The following CRIM1 variants were observed in gnomAD, a reference collection of about 807,000 sequenced individuals.
CRIM1 encodes the protein cysteine-rich motor neuron 1 protein.
Under a neutral mutation model 116.4 loss-of-function variants are expected in CRIM1, and 32 were observed. That is an observed-to-expected ratio of 0.27 (90% CI 0.21 to 0.37). The LOEUF (loss-of-function observed/expected upper bound fraction) is 0.37. Among genes scored for constraint, CRIM1 ranks in the 10% least tolerant of loss-of-function variants. CRIM1 has a pLI of 1.00. For missense variants in CRIM1, 1,331 were observed against 1,354.8 expected (o/e 0.98, Z 0.28); for synonymous variants, 590 against 509.2 (o/e 1.16, Z -2.13).
At chr2:36,441,613 T>A in intron 3 of CRIM1, 113 bp downstream of exon 3, 1 of 1,356,480 alleles carries the variant, frequency 7.4e-7, no homozygotes, top group Non-Finnish European at 1.0e-6. Flanking sequence ...TTCTCACCGG[T>A]GTCCTGTGAA....
chr2:36,522,083 T>C lies in CRIM1; in HGVS notation c.2207-9T>C. The C allele has an allele frequency of 6.2e-7, 1 of 1,612,762 alleles. No individual in the cohort carries two copies. The highest frequency in any genetic ancestry group is 1.3e-5 in the African/African-American group (1 of 75,024). On this transcript the variant is annotated splice_polypyrimidine_tract_variant and intron_variant, in intron 12 of 16. Transcript: ENST00000280527. ...TCTTCTTTGCTGACCTATATGTTCA[T>C]TTTTCCAGATCAACCTTTTCGGCCT...
intron 6 of CRIM1, among the ~76,000 whole-genome samples, chr2:36,478,820 T>C (rs933970554): frequency 1.4e-5 from 2 of 147,942 alleles, no homozygotes; most frequent in African/African-American, 5.1e-5. Flanking sequence ...TTTATATACT[T>C]GTCAGTAACC....
intron 7 of CRIM1, 88 bp downstream of exon 7, chr2:36,479,782 C>G (rs1679267622): frequency 1.5e-6 from 2 of 1,335,326 alleles, no homozygotes; most frequent in African/African-American, 1.4e-5. Context: ...TGTTTATTTC[C>G]TTGGGCATAA....
Position 36,547,293 on chromosome 2 carries a change from C to G in CRIM1, c.2934+122C>G, listed in dbSNP as rs570924973. On this transcript the variant is annotated intron_variant, in intron 16 of 16. Coordinates refer to ENST00000280527, the MANE Select transcript of CRIM1 (RefSeq NM_016441.3). ...GTTTTTACTTTGCTCTTCATAGCCT[C>G]AAATCCATACCAGGCTATAGTATGA... The G allele has an allele frequency of 4.9e-4, 352 of 725,660 alleles. 1 individual carries two copies. Among genetic ancestry groups the G allele is most frequent in the African/African-American group, 4.6e-3 (256 of 56,146 alleles). 45.0% of individuals were successfully genotyped at this position (725,660 alleles called of 1,614,324 possible).
intron 2 of CRIM1, among the ~76,000 whole-genome samples, chr2:36,401,224 T>G (rs1192275907): frequency 6.6e-6 from 1 of 152,174 alleles, no homozygotes; most frequent in Admixed American, 6.5e-5. Context: ...GGTCCTCAAT[T>G]TTACTCAGTG....
At chr2:36,481,586 C>A (rs554062673) in intron 7 of CRIM1, among the ~76,000 whole-genome samples, 1 of 152,178 alleles carries the variant, frequency 6.6e-6, no homozygotes, top group Non-Finnish European at 1.5e-5. Flanking sequence ...GGAATGTCCC[C>A]GTTGAGGTAT....
intron 2 of CRIM1, among the ~76,000 whole-genome samples, chr2:36,430,488 TG>T (rs1674799877): frequency 6.6e-6 from 1 of 152,238 alleles, no homozygotes; most frequent in Non-Finnish European, 1.5e-5. Flanking sequence ...TAGTTCAGGA[TG>T]GAAAGTAAAC....
chr2:36,513,565 C>T lies in CRIM1; in HGVS notation c.1790C>T (p.Ala597Val). 1 of 1,614,096 alleles carries T rather than the reference C, an allele frequency of 6.2e-7. No homozygotes were observed. The highest frequency in any genetic ancestry group is 8.5e-7 in the Non-Finnish European group (1 of 1,179,964). Residue 597 changes from alanine (A) to valine (V), a missense_variant, in exon 11 of 17, where the codon GCT (alanine) becomes GTT (valine). Physicochemically the swap from Ala to Val is moderately conservative, Grantham distance 64. Coordinates refer to ENST00000280527, the MANE Select transcript of CRIM1 (RefSeq NM_016441.3). ...CLICKCREAS[A>V]SAGPPILSGT... ...CCTTTTGTCTGTCCAGAGGCCTCTGCTTCAGCTGGGCCACCCATCCTGTCG... is the reference window on the plus strand; with the variant it reads ...CCTTTTGTCTGTCCAGAGGCCTCTGTTTCAGCTGGGCCACCCATCCTGTCG...
chr2:36,506,400 C>T (rs528020418), intron 8 of CRIM1, among the ~76,000 whole-genome samples: 1 of 152,092 alleles, frequency 6.6e-6, no homozygotes, highest in East Asian at 1.9e-4. Flanking sequence ...TTGAACAAAA[C>T]CATTGCTGTT....
intron 2 of CRIM1, among the ~76,000 whole-genome samples, chr2:36,425,459 A>G (rs1458528088): frequency 2.6e-5 from 4 of 152,228 alleles, no homozygotes; most frequent in East Asian, 3.8e-4. Flanking sequence ...TTAGCTTTAC[A>G]TATTTCTAGC....
At chr2:36,447,808 C>T (rs1431840223) in intron 4 of CRIM1, among the ~76,000 whole-genome samples, 1 of 152,182 alleles carries the variant, frequency 6.6e-6, no homozygotes, top group Admixed American at 6.5e-5. Context: ...CTTTAGTTTT[C>T]ATTTTCTGAT....
At chr2:36,417,549 T>C (rs1673714020) in intron 2 of CRIM1, among the ~76,000 whole-genome samples, 1 of 152,182 alleles carries the variant, frequency 6.6e-6, no homozygotes, top group South Asian at 2.1e-4. Context: ...GGGTCTGTTA[T>C]CTGAGTGTTT....
chr2:36,421,626 C>G (rs1361417729), intron 2 of CRIM1, among the ~76,000 whole-genome samples: 1 of 152,156 alleles, frequency 6.6e-6, no homozygotes, highest in Middle Eastern at 3.2e-3. Context: ...TGTAGTCAGG[C>G]GTTATCTCAC....
intron 4 of CRIM1, among the ~76,000 whole-genome samples, chr2:36,463,117 T>C (rs1294546405): frequency 6.6e-6 from 1 of 152,196 alleles, no homozygotes; most frequent in African/African-American, 2.4e-5. Flanking sequence ...CATGGAAGAA[T>C]CCTCAAGGAG....
At chr2:36,517,131 C>T (rs1665082768) in intron 11 of CRIM1, among the ~76,000 whole-genome samples, 196 bp from the exon 12 acceptor site, 1 of 152,178 alleles carries the variant, frequency 6.6e-6, no homozygotes, top group African/African-American at 2.4e-5. Context: ...AACCTCACGT[C>T]CTAATATTAG....
At chr2:36,537,224 T>C in intron 13 of CRIM1, 128 bp from the exon 14 acceptor site, 1 of 864,886 alleles carries the variant, frequency 1.2e-6, no homozygotes, top group Non-Finnish European at 1.8e-6. Flanking sequence ...AAACAAAAGT[T>C]TCACCAAGTT....
rs966746680 is a variant in CRIM1, at chr2:36,438,936, A to G, written c.506-2322A>G. Among the ~76,000 whole-genome samples, 17 of 152,168 alleles carry G rather than the reference A, an allele frequency of 1.1e-4. 1 individual carries two copies. Among genetic ancestry groups the G allele is most frequent in the Admixed American group, 6.5e-5 (1 of 15,282 alleles). ...CTGTAAAATGGAGCAAATAATAACT[A>G]ACCTTCTGGGGTTATTGTGACATGA... is the stretch of plus-strand genomic sequence containing the variant. On this transcript the variant is annotated intron_variant, in intron 2 of 16. Transcript: ENST00000280527.
intron 2 of CRIM1, among the ~76,000 whole-genome samples, chr2:36,408,791 GA>G (rs112362029): frequency 4.8e-4 from 69 of 142,936 alleles, no homozygotes; most frequent in East Asian, 2.2e-3. Flanking sequence ...CTTATGAGAA[GA>G]AAAAAAAAAA....
chr2:36,431,892 CATT>C (rs1288037805), intron 2 of CRIM1, among the ~76,000 whole-genome samples: 4 of 152,214 alleles, frequency 2.6e-5, no homozygotes, highest in Non-Finnish European at 5.9e-5. Context: ...AAATTGCTGT[CATT>C]GTTGCACAAA....
Sources: allele counts gnomAD v4.1 joint callset (sites outside exome capture counted in the v4.1 genomes callset), GRCh38; gene constraint gnomAD v4.1.1; transcripts MANE v1.5; gene names NCBI Gene and HGNC (gene_info 2026-07-23, HGNC 2026-07-21).